Variants in FUT8 observed in about 807,000 individuals in gnomAD.
FUT8 encodes fucosyltransferase 8.
FUT8 carries 29 observed loss-of-function variants against 71.3 expected under a neutral mutation model. The ratio of observed to expected loss-of-function variants is 0.41; its 90% CI spans 0.30 to 0.55. FUT8 has a LOEUF of 0.55. Among genes scored for constraint, FUT8 ranks in the 20% least tolerant of loss-of-function variants. The probability of loss-of-function intolerance (pLI) is 0.34; values close to 1 mark genes in which losing one functional copy is unlikely to be tolerated. For missense variants in FUT8, 544 were observed against 702.1 expected (o/e 0.77, Z 2.55); for synonymous variants, 254 against 239.3 (o/e 1.06, Z -0.57).
chr14:65,645,617 G>C (rs1266678099), intron 6 of FUT8, among the ~76,000 whole-genome samples: 1 of 152,100 alleles, frequency 6.6e-6, no homozygotes, highest in Non-Finnish European at 1.5e-5. Context: ...CAGGATTTCA[G>C]ATAATTTTAT....
chr14:65,528,058 C>T (rs948500774), intron 2 of FUT8, among the ~76,000 whole-genome samples: 6 of 152,158 alleles, frequency 3.9e-5, no homozygotes, highest in Admixed American at 2.6e-4. Context: ...CTGGGAGAAC[C>T]ACTACTCTCT....
intron 1 of FUT8, among the ~76,000 whole-genome samples, chr14:65,447,807 A>T (rs1357406352): frequency 6.6e-6 from 1 of 152,118 alleles, no homozygotes; most frequent in East Asian, 1.9e-4. Context: ...ACATCTAGGG[A>T]TAATGATATG....
At chr14:65,457,400 A>G (rs112080799) in intron 2 of FUT8, among the ~76,000 whole-genome samples, 8 of 152,318 alleles carry the variant, frequency 5.3e-5, no homozygotes, top group Non-Finnish European at 8.8e-5. Flanking sequence ...TAAAATTATT[A>G]GAAAGGGGAT....
intron 3 of FUT8, among the ~76,000 whole-genome samples, chr14:65,585,304 A>G (rs2140124748): frequency 6.6e-6 from 1 of 152,224 alleles, no homozygotes; most frequent in Non-Finnish European, 1.5e-5. Flanking sequence ...CTCCCACCTC[A>G]GCCTCCCAAG....
At chr14:65,621,381 C>T (rs944826429) in intron 5 of FUT8, among the ~76,000 whole-genome samples, 1 of 151,704 alleles carries the variant, frequency 6.6e-6, no homozygotes, top group Non-Finnish European at 1.5e-5. Flanking sequence ...TCCTGAGTAT[C>T]TGGAACTACA....
In FUT8 at chr14:65,660,784, ATGGTT is replaced by A. The variant is rs1891921447; in HGVS notation, c.598-8458_598-8454del. Among the ~76,000 whole-genome samples the A allele has an allele frequency of 6.6e-6, 1 of 152,130 alleles. No individual in the cohort carries two copies. On this transcript the variant is annotated intron_variant, in intron 6 of 10. Transcript: ENST00000673929. This position sits in a 1 kb window ranked among gnomAD's most constrained non-coding sequence, Gnocchi z 4.1. ...AGCATGCTTTTTAATTGCCTCTTTC[ATGGTT>A]ATTAACTGAGTCTTCATTTTAATTA...
At chr14:65,447,774 C>G (rs1297405671) in intron 1 of FUT8, among the ~76,000 whole-genome samples, 2 of 152,148 alleles carry the variant, frequency 1.3e-5, no homozygotes, top group South Asian at 2.1e-4. Context: ...ATTCCAGTTC[C>G]TTCATTATAG....
At chr14:65,693,811 A>G (rs750158186) in intron 7 of FUT8, among the ~76,000 whole-genome samples, 54 of 152,234 alleles carry the variant, frequency 3.5e-4, no homozygotes, top group Admixed American at 3.2e-3. Flanking sequence ...CAGTGAAACT[A>G]TCTGAGTGTG....
chr14:65,682,357 A>G (rs1316624016), intron 7 of FUT8, among the ~76,000 whole-genome samples: 3 of 152,058 alleles, frequency 2.0e-5, no homozygotes, highest in Non-Finnish European at 4.4e-5. Context: ...ATTTTTTTTA[A>G]ATTAGCTGGG....
At chr14:65,505,547 C>T (rs895585658) in intron 2 of FUT8, among the ~76,000 whole-genome samples, 16 of 151,848 alleles carry the variant, frequency 1.1e-4, no homozygotes, top group African/African-American at 3.6e-4. Flanking sequence ...CTCATGACCT[C>T]ATGATCTGCC....
chr14:65,545,389 G>A (rs1884931182), intron 2 of FUT8, among the ~76,000 whole-genome samples: 1 of 151,750 alleles, frequency 6.6e-6, no homozygotes, highest in Non-Finnish European at 1.5e-5. Flanking sequence ...CATTATAATT[G>A]ATAATTAGCT....
intron 2 of FUT8, among the ~76,000 whole-genome samples, chr14:65,554,198 C>A (rs936786039): frequency 6.6e-6 from 1 of 151,844 alleles, no homozygotes; most frequent in Non-Finnish European, 1.5e-5. Context: ...TCTGATAATT[C>A]TGTTGAAGAT....
intron 3 of FUT8, among the ~76,000 whole-genome samples, chr14:65,577,168 A>T (rs1886837426): frequency 1.3e-5 from 2 of 152,094 alleles, no homozygotes; most frequent in Non-Finnish European, 2.9e-5. Context: ...AATCTTTATA[A>T]GCTTACATTT....
chr14:65,610,230 T>C (rs2140197257), intron 3 of FUT8, among the ~76,000 whole-genome samples: 1 of 152,064 alleles, frequency 6.6e-6, no homozygotes, highest in South Asian at 2.1e-4. Context: ...TCCAATATCG[T>C]GGTGAGTAGA....
the FUT8 span, among the ~76,000 whole-genome samples, chr14:65,370,310 C>G: frequency 1.3e-5 from 2 of 150,896 alleles, no homozygotes; most frequent in Non-Finnish European, 2.9e-5. Flanking sequence ...CGGGTTCACG[C>G]CATTCTCCCA....
the FUT8 span, among the ~76,000 whole-genome samples, chr14:65,388,679 T>A: frequency 6.6e-6 from 1 of 152,040 alleles, no homozygotes; most frequent in Non-Finnish European, 1.5e-5. Flanking sequence ...GGAGAATTGC[T>A]TGAACCCAGG....
chr14:65,640,867 T>A (rs1455995706), intron 6 of FUT8, among the ~76,000 whole-genome samples: 2 of 152,120 alleles, frequency 1.3e-5, no homozygotes, highest in Non-Finnish European at 2.9e-5. Context: ...CTAACTTGAA[T>A]TGACTATAGA....
intron 3 of FUT8, among the ~76,000 whole-genome samples, chr14:65,579,129 T>C (rs1204034514): frequency 1.3e-5 from 2 of 152,178 alleles, no homozygotes; most frequent in East Asian, 3.8e-4. Flanking sequence ...ATTTGTTATG[T>C]GCAGAAGCTA....
chr14:65,728,177 C>T lies in FUT8; in HGVS notation c.1259+3854C>T, dbSNP rs565201675. Among the ~76,000 whole-genome samples, 163 of 152,336 alleles carry T rather than the reference C, an allele frequency of 1.1e-3. 1 individual carries two copies. Among genetic ancestry groups the T allele is most frequent in the Admixed American group, 9.5e-3 (146 of 15,314 alleles). On this transcript the variant is annotated intron_variant, in intron 9 of 10. Transcript: ENST00000673929. The stretch of plus-strand genomic sequence containing the variant: ...AACTGTTCCACCCTCTGCCTGTTAC[C>T]CAATTCCAAAGTCACTTCCACATTT...
Sources: allele counts gnomAD v4.1 joint callset (sites outside exome capture counted in the v4.1 genomes callset), GRCh38; gene constraint gnomAD v4.1.1; non-coding constraint Gnocchi (gnomAD v3.1); transcripts MANE v1.5; gene names NCBI Gene and HGNC (gene_info 2026-07-23, HGNC 2026-07-21).